Variants in JARID2 observed in about 807,000 individuals in gnomAD.
JARID2 encodes the protein jumonji and AT-rich interaction domain containing 2.
JARID2 carries 21 observed loss-of-function variants against 125.6 expected under a neutral mutation model. The observed-to-expected ratio is 0.17, with a 90% CI of 0.12 to 0.24. The LOEUF (loss-of-function observed/expected upper bound fraction) is 0.24, where lower values mean the gene tolerates loss of function less well. Among genes scored for constraint, JARID2 ranks in the 10% least tolerant of loss-of-function variants. The pLI is 1.00. For missense variants in JARID2, 1,303 were observed against 1,639.6 expected (o/e 0.79, Z 3.55); for synonymous variants, 736 against 661.6 (o/e 1.11, Z -1.73).
intron 3 of JARID2, among the ~76,000 whole-genome samples, chr6:15,430,010 T>C (rs1304979312): frequency 6.6e-6 from 1 of 152,208 alleles, no homozygotes; most frequent in Admixed American, 6.5e-5. Context: ...TAATTAGTCA[T>C]GCCAAGAGAA....
chr6:15,386,580 C>T (rs1194340471), intron 2 of JARID2, among the ~76,000 whole-genome samples: 1 of 152,224 alleles, frequency 6.6e-6, no homozygotes, highest in Non-Finnish European at 1.5e-5. Flanking sequence ...AGGTGATCCC[C>T]CCTCCTACTG....
At chr6:15,375,643 G>A (rs752054792) in intron 2 of JARID2, among the ~76,000 whole-genome samples, 1 of 152,184 alleles carries the variant, frequency 6.6e-6, no homozygotes, top group African/African-American at 2.4e-5. Context: ...TAAAAACCTT[G>A]TGTGTAGTTG....
intron 5 of JARID2, 92 bp downstream of exon 5, chr6:15,468,810 G>C: frequency 1.8e-3 from 2,027 of 1,107,968 alleles, no homozygotes; most frequent in Non-Finnish European, 2.4e-3. Context: ...TGAGATGAAG[G>C]CAAAGCTCGT....
intron 5 of JARID2, among the ~76,000 whole-genome samples, chr6:15,473,804 G>C (rs1034844234): frequency 3.3e-5 from 5 of 152,196 alleles, no homozygotes; most frequent in African/African-American, 1.2e-4. Flanking sequence ...GGAAGCCAAA[G>C]AGTAACAATC....
At chr6:15,514,547 T>G (rs1211650835) in intron 16 of JARID2, among the ~76,000 whole-genome samples, 1 of 152,184 alleles carries the variant, frequency 6.6e-6, no homozygotes, top group Admixed American at 6.5e-5. Context: ...CCTCCCAGTG[T>G]GACTGTGTCA....
chr6:15,275,799 A>G (rs1291183903), intron 1 of JARID2, among the ~76,000 whole-genome samples: 3 of 152,048 alleles, frequency 2.0e-5, no homozygotes, highest in Non-Finnish European at 4.4e-5. Context: ...ACAGAGTTGT[A>G]TTAACCTAAT....
chr6:15,517,478 T>C (rs1029124035), intron 17 of JARID2, among the ~76,000 whole-genome samples: 1 of 152,210 alleles, frequency 6.6e-6, no homozygotes, highest in African/African-American at 2.4e-5. Flanking sequence ...GGCATTTGGA[T>C]TTGAGCAATG....
intron 1 of JARID2, among the ~76,000 whole-genome samples, chr6:15,273,198 C>T (rs1760366345): frequency 6.6e-6 from 1 of 152,078 alleles, no homozygotes; most frequent in South Asian, 2.1e-4. Context: ...CTCCCCTACC[C>T]TTATTTTAAA....
chr6:15,258,213 CTG>C (rs1229383673), intron 1 of JARID2, among the ~76,000 whole-genome samples: 1 of 152,152 alleles, frequency 6.6e-6, no homozygotes, highest in African/African-American at 2.4e-5. Flanking sequence ...TGTTCTGACA[CTG>C]TGTTGGGAGT....
intron 1 of JARID2, among the ~76,000 whole-genome samples, chr6:15,294,543 T>G (rs548112223): frequency 1.7e-4 from 26 of 152,068 alleles, no homozygotes; most frequent in Admixed American, 1.2e-3. Context: ...AGAAGCAGAG[T>G]GAAAACCTGC....
At chr6:15,397,496 G>A (rs377236142) in intron 2 of JARID2, among the ~76,000 whole-genome samples, 1 of 152,150 alleles carries the variant, frequency 6.6e-6, no homozygotes, top group Non-Finnish European at 1.5e-5. Context: ...AACTGGGGTT[G>A]GTCTTGGGGT....
chr6:15,307,055 C>G (rs1206420277), intron 1 of JARID2, among the ~76,000 whole-genome samples: 1 of 151,470 alleles, frequency 6.6e-6, no homozygotes, highest in African/African-American at 2.4e-5. Context: ...ACCTGGCCAA[C>G]ACAGTGAAAC....
chr6:15,316,001 A>G (rs1247659236), intron 1 of JARID2, among the ~76,000 whole-genome samples: 2 of 151,762 alleles, frequency 1.3e-5, no homozygotes, highest in African/African-American at 4.8e-5. Flanking sequence ...AGTTTACACG[A>G]GTCCTGCTTC....
intron 1 of JARID2, among the ~76,000 whole-genome samples, chr6:15,261,616 G>A (rs1211209938): frequency 3.3e-5 from 5 of 151,944 alleles, no homozygotes; most frequent in African/African-American, 1.2e-4. Context: ...CACCCCGCCC[G>A]GCCTGGTGTT....
In JARID2 at chr6:15,437,651, A is replaced by C. The variant is rs890592621; in HGVS notation, c.324-14355A>C. 2.6e-5 allele frequency among the ~76,000 whole-genome samples: 4 copies of C among 152,120 alleles called. No homozygotes were observed. In the East Asian group the frequency reaches 7.7e-4, roughly 29 times the overall value. On this transcript the variant is annotated intron_variant, in intron 3 of 17. Coordinates refer to ENST00000341776, the MANE Select transcript of JARID2 (RefSeq NM_004973.4). The stretch of plus-strand genomic sequence containing the variant: ...CAGATTAGCAACAGGGAAAAAAAAA[A>C]CAGATTTAGTTGAGTTCACAAAGAA...
At chr6:15,306,334 T>C (rs868265793) in intron 1 of JARID2, among the ~76,000 whole-genome samples, 3,635 of 133,328 alleles carry the variant, frequency 0.027, 136 homozygotes, top group African/African-American at 0.09. Flanking sequence ...ATTTCTTTTT[T>C]TTTTTTTTTT....
At chr6:15,401,582 C>T (rs1439441751) in intron 2 of JARID2, among the ~76,000 whole-genome samples, 1 of 152,074 alleles carries the variant, frequency 6.6e-6, no homozygotes, top group Non-Finnish European at 1.5e-5. Flanking sequence ...ATCATCTTTC[C>T]TTGAAAGATG....
At chr6:15,513,204 C>CA in intron 15 of JARID2, 35 bp from the exon 16 acceptor site, 1 of 1,554,466 alleles carries the variant, frequency 6.4e-7, no homozygotes, top group Non-Finnish European at 8.7e-7. Flanking sequence ...GGCAGGCCGT[C>CA]ACTAAAGGTG....
chr6:15,506,606 T>G (rs1771016525), intron 9 of JARID2, among the ~76,000 whole-genome samples: 1 of 152,210 alleles, frequency 6.6e-6, no homozygotes. Flanking sequence ...TGGGGAGGCT[T>G]GTCTCAAGGG....
Sources: gnomAD v4.1 joint callset for allele counts (sites outside exome capture counted in the v4.1 genomes callset) on GRCh38, gnomAD v4.1.1 for gene constraint, MANE v1.5 for transcripts, NCBI Gene and HGNC (gene_info 2026-07-23, HGNC 2026-07-21) for gene names.